Variants in AMOTL1 observed in about 807,000 individuals in gnomAD.
AMOTL1 encodes angiomotin like 1.
AMOTL1 carries 45 observed loss-of-function variants against 102.9 expected under a neutral mutation model. That is an observed-to-expected ratio of 0.44 (90% CI 0.34 to 0.56). The LOEUF (loss-of-function observed/expected upper bound fraction) is 0.56. AMOTL1 is among the 20% of genes least tolerant of loss of function. AMOTL1 has a pLI of 0.01. For synonymous variants in AMOTL1, 481 were observed against 484.7 expected, an observed-to-expected ratio of 0.99 and a Z score of 0.10; for missense variants, 1,114 against 1,225.6, an observed-to-expected ratio of 0.91 and a Z score of 1.36.
chr11:94,844,234 G>A (rs1952362201), intron 6 of AMOTL1, among the ~76,000 whole-genome samples: 1 of 152,152 alleles, frequency 6.6e-6, no homozygotes, highest in Admixed American at 6.5e-5. Context: ...GTGCCAAAAT[G>A]GGCTAGTTAT....
chr11:94,855,198 G>T (rs1952636649), intron 8 of AMOTL1, among the ~76,000 whole-genome samples: 2 of 152,214 alleles, frequency 1.3e-5, no homozygotes, highest in Admixed American at 1.3e-4. Context: ...ACACTTGAGC[G>T]CATGCACTCA....
chr11:94,842,157 T>C (rs568753127), intron 6 of AMOTL1, among the ~76,000 whole-genome samples: 1 of 152,368 alleles, frequency 6.6e-6, no homozygotes, highest in East Asian at 1.9e-4. Context: ...TTTGATTATA[T>C]ACCAATAGCA....
At chr11:94,838,215 T>C (rs1030380837) in intron 6 of AMOTL1, among the ~76,000 whole-genome samples, 3 of 152,368 alleles carry the variant, frequency 2.0e-5, no homozygotes, top group South Asian at 2.1e-4. Flanking sequence ...AGGGGCCCTG[T>C]CTGTCATCTT....
At chr11:94,755,627 TC>T (rs1001219697) in intron 3 of AMOTL1, among the ~76,000 whole-genome samples, 5 of 152,168 alleles carry the variant, frequency 3.3e-5, no homozygotes, top group African/African-American at 1.2e-4. Context: ...TGGGAGGAGT[TC>T]CCATATCCCC....
intron 3 of AMOTL1, among the ~76,000 whole-genome samples, chr11:94,747,431 C>G (rs1042739904): frequency 2.0e-4 from 30 of 152,182 alleles, no homozygotes. Flanking sequence ...GGCCAATATG[C>G]AAGGAGAAAG....
chr11:94,855,604 C>T (rs952323177), intron 8 of AMOTL1, among the ~76,000 whole-genome samples: 3 of 152,182 alleles, frequency 2.0e-5, no homozygotes, highest in African/African-American at 4.8e-5. Context: ...ATGTTCCTTC[C>T]TGGTTAATAT....
intron 3 of AMOTL1, among the ~76,000 whole-genome samples, chr11:94,819,582 G>T (rs1297060226): frequency 6.6e-6 from 1 of 152,116 alleles, no homozygotes; most frequent in Non-Finnish European, 1.5e-5. Flanking sequence ...CTATGACCTA[G>T]AAGCCCCTTC....
intron 3 of AMOTL1, among the ~76,000 whole-genome samples, chr11:94,755,378 T>C (rs1950709467): frequency 6.6e-6 from 1 of 152,192 alleles, no homozygotes; most frequent in Admixed American, 6.5e-5. Context: ...TAGGAGGGAA[T>C]ACCCAATGCC....
intron 2 of AMOTL1, among the ~76,000 whole-genome samples, chr11:94,734,409 G>A (rs1216858716): frequency 6.6e-6 from 1 of 152,190 alleles, no homozygotes; most frequent in East Asian, 1.9e-4. Flanking sequence ...TGTGCTAAAA[G>A]GAAAGACTAT....
At chr11:94,751,232 T>A (rs1210482986) in intron 3 of AMOTL1, among the ~76,000 whole-genome samples, 1 of 152,236 alleles carries the variant, frequency 6.6e-6, no homozygotes, top group Middle Eastern at 3.4e-3. Flanking sequence ...TATATATATT[T>A]TTTTTATTTT....
chr11:94,748,301 C>T (rs941814199), intron 3 of AMOTL1, among the ~76,000 whole-genome samples: 1 of 152,342 alleles, frequency 6.6e-6, no homozygotes, highest in African/African-American at 2.4e-5. Flanking sequence ...CTTCTACTAT[C>T]ACATCCGCAT....
At chr11:94,743,986 C>T (rs1414564392) in intron 3 of AMOTL1, among the ~76,000 whole-genome samples, 2 of 152,070 alleles carry the variant, frequency 1.3e-5, no homozygotes, top group African/African-American at 4.8e-5. Context: ...CTTCTGACAC[C>T]CAATGTGTGG....
At chr11:94,725,977 T>C (rs1431948353) in intron 1 of AMOTL1, among the ~76,000 whole-genome samples, 1 of 152,158 alleles carries the variant, frequency 6.6e-6, no homozygotes, top group South Asian at 2.1e-4. Flanking sequence ...AGGGACTCAC[T>C]GAAGTTGTCA....
At chr11:94,861,509 G>T (rs1231787480) in intron 9 of AMOTL1, among the ~76,000 whole-genome samples, 1 of 152,200 alleles carries the variant, frequency 6.6e-6, no homozygotes, top group Non-Finnish European at 1.5e-5. Flanking sequence ...TTAATGGAAA[G>T]AATGCTTTAA....
At chr11:94,837,132 TA>T (rs1383229683) in intron 6 of AMOTL1, among the ~76,000 whole-genome samples, 1 of 152,244 alleles carries the variant, frequency 6.6e-6, no homozygotes, top group South Asian at 2.1e-4. Flanking sequence ...TATGCAGTTC[TA>T]AAAATCAAAG....
chr11:94,835,243 G>A (rs542232680), intron 6 of AMOTL1, among the ~76,000 whole-genome samples: 9 of 152,292 alleles, frequency 5.9e-5, no homozygotes, highest in African/African-American at 1.9e-4. Flanking sequence ...GAAAACCAGG[G>A]CCTCTAGCCA....
rs569487542 is a variant in AMOTL1, at chr11:94,861,001, G to T, written c.2135+1286G>T. Among the ~76,000 whole-genome samples, 234 of 152,272 alleles carry T rather than the reference G, an allele frequency of 1.5e-3. 2 individuals carry two copies. Among genetic ancestry groups the T allele is most frequent in the African/African-American group, 5.5e-3 (227 of 41,556 alleles). The stretch of plus-strand genomic sequence containing the variant: ...ATTGGAGAAAGCATTGCCACCATTC[G>T]GGCGTTGGTGTCTGCAGTGGGTGCC... On this transcript the variant is annotated intron_variant, in intron 9 of 12. Transcript: ENST00000433060.
At chr11:94,749,033 A>G (rs1389216875) in intron 3 of AMOTL1, among the ~76,000 whole-genome samples, 1 of 152,194 alleles carries the variant, frequency 6.6e-6, no homozygotes, top group African/African-American at 2.4e-5. Flanking sequence ...ATATATAGGT[A>G]TAGTTGGATG....
chr11:94,864,717 A>G lies in AMOTL1; in HGVS notation c.2136-18A>G, dbSNP rs749028542. ...AAGAAGGTTTCCTATGATCAAACGCATATCCTTGTGTTGCCAGGGACACCA... is the reference window on the plus strand; with the variant it reads ...AAGAAGGTTTCCTATGATCAAACGCGTATCCTTGTGTTGCCAGGGACACCA... On this transcript the variant is annotated intron_variant, in intron 9 of 12. Transcript: ENST00000433060. 1.2e-6 allele frequency: 2 copies of G among 1,611,294 alleles called. No individual in the cohort carries two copies. Among genetic ancestry groups the G allele is most frequent in the Admixed American group, 1.7e-5 (1 of 59,878 alleles).
Sources: allele counts gnomAD v4.1 joint callset (sites outside exome capture counted in the v4.1 genomes callset), GRCh38; gene constraint gnomAD v4.1.1; transcripts MANE v1.5; gene names NCBI Gene and HGNC (gene_info 2026-07-23, HGNC 2026-07-21).